Variants in NAA25 observed in about 807,000 individuals in gnomAD.
NAA25 encodes the protein N-terminal acetyltransferase B complex subunit NAA25.
Under a neutral mutation model 132.5 loss-of-function variants are expected in NAA25, and 30 were observed. The ratio of observed to expected loss-of-function variants is 0.23; its 90% confidence interval spans 0.17 to 0.31. The LOEUF is 0.31. Ranked by LOEUF, NAA25 falls within the 10% of genes least tolerant of loss-of-function variation. The pLI is 1.00. For missense variants in NAA25, 771 were observed against 1,150.4 expected, an observed-to-expected ratio of 0.67 and a Z score of 4.77; for synonymous variants, 359 against 401.9, an observed-to-expected ratio of 0.89 and a Z score of 1.28.
At chr12:112,085,854 C>T (rs1360595361) in intron 4 of NAA25, among the ~76,000 whole-genome samples, 2 of 148,996 alleles carry the variant, frequency 1.3e-5, no homozygotes, top group African/African-American at 2.5e-5. Flanking sequence ...CCCGTCTCTA[C>T]TAAAAATACA....
At position 112,029,669 on chromosome 12, in the gene NAA25, C is replaced by A; in HGVS notation, c.2797-16G>T. On this transcript the variant is annotated splice_polypyrimidine_tract_variant and intron_variant, in intron 23 of 23. Coordinates refer to ENST00000261745, the MANE Select transcript of NAA25 (RefSeq NM_024953.4). Reference sequence around the variant, plus strand: ...TTCTCTCTTCCTATAAAGGAGGAGACAAGAATAATTAGTCTTGTTTAAAAA... The same window carrying A: ...TTCTCTCTTCCTATAAAGGAGGAGAAAAGAATAATTAGTCTTGTTTAAAAA... 1 of 1,608,600 alleles carries A rather than the reference C, an allele frequency of 6.2e-7. No homozygotes were observed. The highest frequency in any genetic ancestry group is 8.5e-7 in the Non-Finnish European group (1 of 1,178,570).
intron 17 of NAA25, 81 bp from the exon 18 acceptor site, chr12:112,043,949 A>G (rs1384124228): frequency 7.8e-7 from 1 of 1,283,086 alleles, no homozygotes; most frequent in Non-Finnish European, 1.1e-6. Flanking sequence ...TTTTTTTGAG[A>G]CAGAGTCTTG....
At chr12:112,035,295 A>G (rs980040900) in intron 22 of NAA25, 4 of 152,194 alleles carry the variant, frequency 2.6e-5, no homozygotes, top group African/African-American at 4.8e-5. Context: ...AAGGAGAGCA[A>G]CAAAGCCAAT....
chr12:112,070,564 AT>A (rs1001782635), intron 10 of NAA25, among the ~76,000 whole-genome samples: 4 of 151,384 alleles, frequency 2.6e-5, no homozygotes, highest in African/African-American at 9.7e-5. Flanking sequence ...GACTGTTTTT[AT>A]TTTTTTTTAA....
intron 22 of NAA25, chr12:112,034,062 A>G (rs2078189154): frequency 6.6e-6 from 1 of 152,240 alleles, no homozygotes; most frequent in Non-Finnish European, 1.5e-5. Context: ...AAAAGGAGAT[A>G]CCAATATTCA....
intron 4 of NAA25, among the ~76,000 whole-genome samples, chr12:112,082,564 T>A (rs1207801204): frequency 6.6e-6 from 1 of 151,956 alleles, no homozygotes; most frequent in Non-Finnish European, 1.5e-5. Flanking sequence ...CAAATTAAAA[T>A]CAAATCTGTC....
Position 112,053,583 on chromosome 12 carries a change from C to T in NAA25, c.1703G>A (p.Arg568Lys). The T allele has an allele frequency of 6.2e-7, 1 of 1,607,094 alleles. No homozygotes were observed. The highest frequency in any genetic ancestry group is 8.5e-7 in the Non-Finnish European group (1 of 1,176,120). The change falls in exon 15 of 24, where the codon AGG becomes AAG. Residue 568 changes from arginine (R) to lysine (K), a missense_variant. Coordinates refer to ENST00000261745, the MANE Select transcript of NAA25 (RefSeq NM_024953.4). Reference protein sequence around the residue: ...AASQSCNFALRFFHSNQKDTS... With the variant: ...AASQSCNFALKFFHSNQKDTS... ...ATCTTTCTGGTTGGAGTGAAAAAAC[C>T]TGAGTGCGAAGTTACAGGATTGGGA...
rs1044416050 is a variant in NAA25, at chr12:112,026,849, C to A, written c.*2682G>T. On this transcript the variant is annotated 3_prime_UTR_variant, in exon 24 of 24. Coordinates refer to ENST00000261745, the MANE Select transcript of NAA25 (RefSeq NM_024953.4). ...TAACAAGCCTGTAGATACATTGAAA[C>A]CCCTTTTTATATTAAAAGTTAAAAT... The A allele has an allele frequency of 6.6e-6, 1 of 152,248 alleles. No homozygotes were observed. The highest frequency in any genetic ancestry group is 1.5e-5 in the Non-Finnish European group (1 of 68,004). The allele number at this position is 152,248 out of a possible 1,614,324, so 9.4% of individuals were successfully genotyped here. A position where few individuals can be genotyped will look rare whatever the true frequency, so the allele number is the denominator to read the frequency against.
At chr12:112,079,073 A>G (rs2078933663) in intron 5 of NAA25, among the ~76,000 whole-genome samples, 1 of 152,192 alleles carries the variant, frequency 6.6e-6, no homozygotes, top group Non-Finnish European at 1.5e-5. Flanking sequence ...AGGTATTTGA[A>G]GAGGAAAGCC....
chr12:112,078,080 CA>C, intron 7 of NAA25, 107 bp downstream of exon 7: 2 of 720,032 alleles, frequency 2.8e-6, no homozygotes, highest in Non-Finnish European at 4.7e-6. Flanking sequence ...ACAAAATGAT[CA>C]AAAGTGTTTA....
Position 112,077,119 on chromosome 12 carries a change from G to C in NAA25, c.664+1069C>G, listed in dbSNP as rs181083355. 3.7e-3 allele frequency among the ~76,000 whole-genome samples: 569 copies of C among 152,154 alleles called. 28 individuals are homozygous for C. Among genetic ancestry groups the C allele is most frequent in the Admixed American group, 0.032 (491 of 15,238 alleles). The stretch of plus-strand genomic sequence containing the variant: ...GGAACACTGGACAGTTATTAAAGGA[G>C]TGAGGTAGTGAACTTTATCTCTAGG... On this transcript the variant is annotated intron_variant, in intron 7 of 23. Transcript: ENST00000261745.
rs903629446 is a variant in NAA25, at chr12:112,035,680, T to G, written c.2650-2301A>C. ...CAATTTACAACTGAAACATCAACTT[T>G]CTTTTTTTTTTTTTTTTGAGACAGG... On this transcript the variant is annotated intron_variant, in intron 22 of 23. Transcript: ENST00000261745. 5.8e-5 allele frequency among the ~76,000 whole-genome samples: 7 copies of G among 121,332 alleles called. No individual in the cohort carries two copies. In the East Asian group the frequency reaches 2.9e-3, roughly 50 times the overall value. 79.6% of individuals were successfully genotyped at this position (121,332 alleles called of 152,430 possible). A position where few individuals can be genotyped will look rare whatever the true frequency, so the allele number is the denominator to read the frequency against.
At chr12:112,069,225 G>C (rs2078765840) in intron 10 of NAA25, 2 of 413,278 alleles carry the variant, frequency 4.8e-6, no homozygotes, top group South Asian at 2.7e-5. Flanking sequence ...TAAAAAAATA[G>C]GCTGGATGCA....
intron 4 of NAA25, among the ~76,000 whole-genome samples, chr12:112,087,385 A>T (rs1227326140): frequency 2.6e-5 from 4 of 152,208 alleles, no homozygotes; most frequent in African/African-American, 9.6e-5. Context: ...CATTTTCTGA[A>T]AATTTAACAG....
chr12:112,041,312 C>T (rs376628453), intron 20 of NAA25, among the ~76,000 whole-genome samples: 5 of 151,880 alleles, frequency 3.3e-5, no homozygotes, highest in South Asian at 2.1e-4. Context: ...CTCAGCCTCC[C>T]GAGTAGCTGG....
intron 19 of NAA25, among the ~76,000 whole-genome samples, chr12:112,042,497 C>T (rs1257768958): frequency 6.6e-6 from 1 of 151,588 alleles, no homozygotes; most frequent in Non-Finnish European, 1.5e-5. Flanking sequence ...AAGTTTAGTG[C>T]TTCTTATTTT....
At chr12:112,102,780 G>A (rs899838585) in intron 1 of NAA25, among the ~76,000 whole-genome samples, 1 of 143,928 alleles carries the variant, frequency 6.9e-6, no homozygotes, top group Non-Finnish European at 1.5e-5. Flanking sequence ...TCCGCCTCCT[G>A]GGTTCACGCG....
chr12:112,080,969 CA>C (rs774887799), intron 5 of NAA25, 90 bp downstream of exon 5: 44 of 1,120,492 alleles, frequency 3.9e-5, no homozygotes, highest in South Asian at 6.3e-5. Context: ...CTGTCTCAAA[CA>C]AAAAAAACCA....
At position 112,054,552 on chromosome 12, in the gene NAA25, C is replaced by T. The variant is rs1323059233; in HGVS notation, c.1464G>A (p.Val488=). 6.2e-7 allele frequency: 1 copy of T among 1,613,744 alleles called. No individual in the cohort carries two copies. The highest frequency in any genetic ancestry group is 8.5e-7 in the Non-Finnish European group (1 of 1,179,912). ...CTTCCAGCAAAGTCAGGGCCTGCCA[C>T]ACAGTGGTCTCATCACCTAGAACCA... The part of the protein sequence containing the change: ...VWRETGDETT[V]WQALTLLEEG... Residue 488 remains valine (V), a synonymous_variant, in exon 14 of 24, where the codon GTG becomes GTA. Transcript: ENST00000261745.
Sources: gnomAD v4.1 joint callset for allele counts (sites outside exome capture counted in the v4.1 genomes callset) on GRCh38, gnomAD v4.1.1 for gene constraint, MANE v1.5 for transcripts, NCBI Gene and HGNC (gene_info 2026-07-23, HGNC 2026-07-21) for gene names.